The following MYO18B variants were observed in gnomAD, a reference collection of about 807,000 sequenced individuals.
MYO18B encodes myosin XVIIIB.
MYO18B carries 204 observed loss-of-function variants against 273.0 expected under a neutral mutation model. That is an observed-to-expected ratio of 0.75 (90% CI 0.67 to 0.84). The LOEUF (loss-of-function observed/expected upper bound fraction) is 0.84, where lower values mean the gene tolerates loss of function less well. Ranked by LOEUF, MYO18B falls within the 40% of genes least tolerant of loss-of-function variation. The probability of loss-of-function intolerance (pLI) is 0.00; values close to 1 mark genes in which losing one functional copy is unlikely to be tolerated. For missense variants in MYO18B, 3,212 were observed against 3,287.6 expected (o/e 0.98, Z 0.56); for synonymous variants, 1,330 against 1,305.7 (o/e 1.02, Z -0.40).
chr22:25,875,893 G>A (rs2091177761), intron 23 of MYO18B, among the ~76,000 whole-genome samples: 1 of 151,972 alleles, frequency 6.6e-6, no homozygotes, highest in South Asian at 2.1e-4. Context: ...CTATTGTATA[G>A]TTTCTTTTAC....
At chr22:25,969,273 T>C (rs890741018) in intron 39 of MYO18B, among the ~76,000 whole-genome samples, 3 of 152,324 alleles carry the variant, frequency 2.0e-5, no homozygotes, top group East Asian at 1.9e-4. Flanking sequence ...ATCCAGAGAT[T>C]ACCACGTTTT....
chr22:25,957,905 G>C (rs937477369), intron 39 of MYO18B, among the ~76,000 whole-genome samples: 2 of 146,624 alleles, frequency 1.4e-5, no homozygotes, highest in Middle Eastern at 3.6e-3. Context: ...ATCTACAAAC[G>C]CTTTTGCTTT....
chr22:25,804,750 G>A (rs1245643907), intron 12 of MYO18B, among the ~76,000 whole-genome samples: 1 of 152,202 alleles, frequency 6.6e-6, no homozygotes, highest in East Asian at 1.9e-4. Context: ...GGATGTCAGG[G>A]GGTGGCCCTG....
chr22:25,794,924 A>G (rs2087844220), intron 11 of MYO18B, among the ~76,000 whole-genome samples: 1 of 152,232 alleles, frequency 6.6e-6, no homozygotes, highest in Non-Finnish European at 1.5e-5. Context: ...AGAGGTACCC[A>G]TCTCACTCCA....
intron 1 of MYO18B, among the ~76,000 whole-genome samples, chr22:25,754,655 C>T (rs1343590001): frequency 2.0e-5 from 3 of 152,158 alleles, no homozygotes; most frequent in South Asian, 2.1e-4. Flanking sequence ...CAGCAGCTGA[C>T]GAGGCAGGTG....
At chr22:25,913,463 A>C (rs937544269) in intron 33 of MYO18B, among the ~76,000 whole-genome samples, 6 of 152,162 alleles carry the variant, frequency 3.9e-5, no homozygotes, top group African/African-American at 1.4e-4. Flanking sequence ...TCCTGGGTTC[A>C]TGCCATTTTC....
intron 11 of MYO18B, among the ~76,000 whole-genome samples, chr22:25,793,136 A>G (rs2087753258): frequency 6.6e-6 from 1 of 152,218 alleles, no homozygotes; most frequent in Non-Finnish European, 1.5e-5. Context: ...TTTATTGAGT[A>G]CCACTGTGTG....
intron 12 of MYO18B, among the ~76,000 whole-genome samples, chr22:25,816,806 C>CT (rs2089034245): frequency 6.6e-6 from 1 of 152,198 alleles, no homozygotes; most frequent in Non-Finnish European, 1.5e-5. Flanking sequence ...AGAACATTGC[C>CT]TTTTCCTGTA....
chr22:25,914,611 A>G (rs1410062717), intron 33 of MYO18B, among the ~76,000 whole-genome samples: 1 of 147,606 alleles, frequency 6.8e-6, no homozygotes, highest in African/African-American at 2.5e-5. Context: ...ATTATCTTTC[A>G]TACTTCATCT....
chr22:25,757,336 C>T (rs1284903845), intron 1 of MYO18B, among the ~76,000 whole-genome samples: 5 of 152,178 alleles, frequency 3.3e-5, no homozygotes, highest in Admixed American at 1.3e-4. Context: ...TGCAGTGGCT[C>T]ACGCCTGTTA....
chr22:25,950,328 CAG>C (rs1478856332), intron 36 of MYO18B, 37 bp from the exon 37 acceptor site: 1 of 1,508,034 alleles, frequency 6.6e-7, no homozygotes, highest in African/African-American at 1.5e-5. Context: ...CTTGTGGACT[CAG>C]GGTGATATAT....
chr22:25,860,652 G>T (rs2090704961), intron 21 of MYO18B, among the ~76,000 whole-genome samples: 1 of 151,822 alleles, frequency 6.6e-6, no homozygotes, highest in African/African-American at 2.4e-5. Context: ...TTTCTTGTTG[G>T]TTTCTAATTT....
chr22:25,980,703 A>G (rs930618080), intron 39 of MYO18B, among the ~76,000 whole-genome samples: 3 of 152,232 alleles, frequency 2.0e-5, no homozygotes, highest in African/African-American at 7.2e-5. Context: ...CATTCTCTAT[A>G]GTGAATGCTA....
At chr22:25,833,308 G>T (rs1219185411) in intron 16 of MYO18B, among the ~76,000 whole-genome samples, 1 of 152,196 alleles carries the variant, frequency 6.6e-6, no homozygotes, top group Non-Finnish European at 1.5e-5. Flanking sequence ...TGAGTTCAGG[G>T]CTCATGGCCA....
chr22:26,048,921 G>A, the MYO18B span, among the ~76,000 whole-genome samples: 2 of 152,134 alleles, frequency 1.3e-5, no homozygotes, highest in African/African-American at 4.8e-5. Flanking sequence ...AGTGGTAGAA[G>A]TGTTTTCTTT....
chr22:25,817,460 C>G (rs2089084959), intron 12 of MYO18B, among the ~76,000 whole-genome samples: 1 of 142,928 alleles, frequency 7.0e-6, no homozygotes, highest in Non-Finnish European at 1.5e-5. Flanking sequence ...CCCTTCCCTT[C>G]CCCTTCCCTT....
At chr22:25,997,978 C>CACACACGAGAGAGA (rs34431605) in intron 40 of MYO18B, among the ~76,000 whole-genome samples, 347 of 144,610 alleles carry the variant, frequency 2.4e-3, no homozygotes, top group African/African-American at 7.4e-3. Flanking sequence ...CACACACACA[C>CACACACGAGAGAGA]GAGAGAGAGA....
chr22:25,910,128 A>T (rs2331193), intron 32 of MYO18B, among the ~76,000 whole-genome samples: 59,135 of 152,006 alleles, frequency 0.39, 11,998 homozygotes, highest in Non-Finnish European at 0.42. Context: ...AAATTAAATG[A>T]GTCGCTCATA....
chr22:25,911,916 C>T (rs926498609), intron 33 of MYO18B, among the ~76,000 whole-genome samples: 6 of 152,220 alleles, frequency 3.9e-5, no homozygotes, highest in African/African-American at 1.4e-4. Context: ...GAAATCCCAA[C>T]ACGGGAGAGA....
Sources: gnomAD v4.1 joint callset for allele counts (sites outside exome capture counted in the v4.1 genomes callset) on GRCh38, gnomAD v4.1.1 for gene constraint, MANE v1.5 for transcripts, NCBI Gene and HGNC (gene_info 2026-07-23, HGNC 2026-07-21) for gene names.